UTP20: variants seen among roughly 807,000 people sequenced by gnomAD.
UTP20 encodes the protein small subunit processome component 20 homolog.
A neutral mutation model predicts 329.5 loss-of-function variants in UTP20; 164 were observed. The ratio of observed to expected loss-of-function variants is 0.50; its 90% confidence interval spans 0.44 to 0.57. The LOEUF is 0.57. Among genes scored for constraint, UTP20 ranks in the 20% least tolerant of loss-of-function variants. The pLI, the probability that UTP20 is intolerant of heterozygous loss-of-function variation, is 0.00. For missense variants in UTP20, 3,055 were observed against 3,284.2 expected (o/e 0.93, Z 1.71); for synonymous variants, 1,151 against 1,159.3 (o/e 0.99, Z 0.14).
intron 22 of UTP20, 42 bp from the exon 23 acceptor site, chr12:101,319,503 A>G (rs748564416): frequency 2.0e-6 from 3 of 1,482,506 alleles, no homozygotes; most frequent in Admixed American, 4.2e-5. Context: ...AATGATCTCA[A>G]TTCTTTAATT....
intron 8 of UTP20, 53 bp downstream of exon 8, chr12:101,290,941 T>A: frequency 6.4e-7 from 1 of 1,561,612 alleles, no homozygotes; most frequent in Non-Finnish European, 8.7e-7. Flanking sequence ...AAGAATTTAC[T>A]GTTTCTGCTC....
At chr12:101,300,552 C>T (rs1376674875) in intron 14 of UTP20, among the ~76,000 whole-genome samples, 2 of 152,140 alleles carry the variant, frequency 1.3e-5, no homozygotes, top group Admixed American at 6.5e-5. Context: ...AGGCACAACA[C>T]CTCTAGGAAG....
In UTP20 at chr12:101,317,557, G is replaced by C. The variant is rs1428976672; in HGVS notation, c.2632G>C (p.Glu878Gln). Reference sequence around the variant, plus strand: ...AAAAGGCAAAGGGATGGTGGCAGAGGAAATCGAAGAGGAACCTGCCGCAGG... The same window carrying C: ...AAAAGGCAAAGGGATGGTGGCAGAGCAAATCGAAGAGGAACCTGCCGCAGG... ...RRKGKGMVAE[E>Q]IEEEPAAGDD... The change falls in exon 22 of 62, where the codon GAA becomes CAA. Residue 878 changes from glutamate (E) to glutamine (Q), a missense_variant. Coordinates refer to ENST00000261637, the MANE Select transcript of UTP20 (RefSeq NM_014503.3). 1 of 1,614,064 alleles carries C rather than the reference G, an allele frequency of 6.2e-7. No individual in the cohort carries two copies. Among genetic ancestry groups the C allele is most frequent in the African/African-American group, 1.3e-5 (1 of 74,938 alleles).
intron 57 of UTP20, among the ~76,000 whole-genome samples, chr12:101,380,437 C>G (rs566856156): frequency 6.6e-6 from 1 of 152,208 alleles, no homozygotes; most frequent in East Asian, 1.9e-4. Context: ...ATATATGTGT[C>G]TCTGGTTTCC....
At chr12:101,291,692 C>A in intron 8 of UTP20, 50 bp from the exon 9 acceptor site, 1 of 1,492,204 alleles carries the variant, frequency 6.7e-7, no homozygotes. Flanking sequence ...GTTGGATTAA[C>A]AGTTGAGTTT....
intron 5 of UTP20, among the ~76,000 whole-genome samples, chr12:101,287,996 G>A (rs1209287772): frequency 6.6e-6 from 1 of 152,218 alleles, no homozygotes; most frequent in Non-Finnish European, 1.5e-5. Flanking sequence ...GTGGACCGCT[G>A]TAAGGTCTTC....
chr12:101,370,299 T>C, intron 49 of UTP20, 133 bp from the exon 50 acceptor site: 2 of 1,110,682 alleles, frequency 1.8e-6, no homozygotes, highest in Non-Finnish European at 2.5e-6. Context: ...TTTTCCAGAG[T>C]AATTTGCCAA....
Position 101,365,620 on chromosome 12 carries a change from A to C in UTP20, c.6120A>C (p.Lys2040Asn), listed in dbSNP as rs1458176673. ...ISENLPLLTE[K>N]EKNPVAPAPD... is the part of the protein sequence containing the mutation. ...AAAATCTTCCCCTGTTAACAGAGAA[A>C]GAAAAGTAAGTTGGAAAAAAAACAA... Residue 2040 changes from lysine (K) to asparagine (N), a missense_variant, in exon 46 of 62, where the codon AAA becomes AAC. Coordinates refer to ENST00000261637, the MANE Select transcript of UTP20 (RefSeq NM_014503.3). 6.4e-7 allele frequency: 1 copy of C among 1,560,612 alleles called. No homozygotes were observed. The highest frequency in any genetic ancestry group is 8.6e-7 in the Non-Finnish European group (1 of 1,159,186).
intron 8 of UTP20, 118 bp from the exon 9 acceptor site, chr12:101,291,624 A>G (rs1404858700): frequency 3.9e-6 from 4 of 1,038,486 alleles, no homozygotes; most frequent in Non-Finnish European, 3.9e-6. Flanking sequence ...TGGTAAATGT[A>G]TCTTTTTCTT....
chr12:101,362,420 T>C (rs1480632829), intron 44 of UTP20, among the ~76,000 whole-genome samples: 1 of 152,186 alleles, frequency 6.6e-6, no homozygotes, highest in African/African-American at 2.4e-5. Context: ...CTTTTAAAAT[T>C]GGGCCAGGCA....
chr12:101,371,906 A>G (rs1870307801), intron 51 of UTP20, among the ~76,000 whole-genome samples: 1 of 152,140 alleles, frequency 6.6e-6, no homozygotes, highest in African/African-American at 2.4e-5. Flanking sequence ...GTTTATATCT[A>G]TACATCTGTC....
At chr12:101,377,899 A>G (rs1470889009) in intron 56 of UTP20, among the ~76,000 whole-genome samples, 1 of 152,178 alleles carries the variant, frequency 6.6e-6, no homozygotes, top group Non-Finnish European at 1.5e-5. Context: ...AACTTTGTTG[A>G]TGGTTAAATG....
At chr12:101,334,291 T>G (rs1001212942) in intron 28 of UTP20, 134 bp from the exon 29 acceptor site, 23 of 677,236 alleles carry the variant, frequency 3.4e-5, no homozygotes, top group Non-Finnish European at 4.5e-5. Context: ...TTTCTTATTG[T>G]GTCATTTGGA....
In UTP20 at chr12:101,334,495, G is replaced by T; in HGVS notation, c.3632G>T (p.Arg1211Ile). Residue 1211 changes from arginine to isoleucine, a missense_variant, in exon 29 of 62, where the codon AGA becomes ATA. By Grantham distance (97) the Arg-to-Ile change is moderately conservative. This residue lies in a region of UTP20 where 2,445 missense variants were observed against 2,575.5 expected (regional missense o/e 0.95). Transcript: ENST00000261637. ...CTGAAACTGATCAGTATCTGGAGCA[G>T]AAACGCAAGGTATAACCTTTCTTTT... is the stretch of plus-strand genomic sequence containing the variant. ...PLLKLISIWS[R>I]NARYFPLLAK... The T allele has an allele frequency of 6.2e-7, 1 of 1,610,812 alleles. No homozygotes were observed.
chr12:101,343,554 A>C (rs1869220167), intron 35 of UTP20, among the ~76,000 whole-genome samples: 1 of 152,176 alleles, frequency 6.6e-6, no homozygotes, highest in South Asian at 2.1e-4. Context: ...TCTGTCACCC[A>C]GGCTAGAGTG....
Position 101,370,512 on chromosome 12 carries a change from G to C in UTP20, c.6636G>C (p.Glu2212Asp). The C allele has an allele frequency of 1.2e-6, 2 of 1,613,992 alleles. No homozygotes were observed. Among genetic ancestry groups the C allele is most frequent in the African/African-American group, 1.3e-5 (1 of 75,028 alleles). The change falls in exon 50 of 62, where the codon GAG (glutamate) becomes GAC (aspartate). Residue 2212 changes from glutamate to aspartate, a missense_variant. This residue lies in a region of UTP20 where 273 missense variants were observed against 363.1 expected (regional missense o/e 0.75). Transcript: ENST00000261637. The part of the protein sequence containing the change: ...KQLQVLLAYA[E>D]EDIYDTSRQA... Reference sequence around the variant, plus strand: ...TCCAAGTTCTACTGGCCTATGCTGAGGAGGACATTTATGATACTTCAAGAC... The same window carrying C: ...TCCAAGTTCTACTGGCCTATGCTGACGAGGACATTTATGATACTTCAAGAC...
chr12:101,333,263 C>T, intron 27 of UTP20, 38 bp from the exon 28 acceptor site: 11 of 1,597,186 alleles, frequency 6.9e-6, no homozygotes, highest in Non-Finnish European at 9.4e-6. Context: ...AAAAATGATA[C>T]ATATGTATTT....
intron 23 of UTP20, among the ~76,000 whole-genome samples, chr12:101,320,552 T>A (rs910947376): frequency 2.1e-4 from 31 of 146,094 alleles, no homozygotes; most frequent in Non-Finnish European, 4.5e-4. Flanking sequence ...CAAGACTCTG[T>A]TTGAAAAAAA....
Position 101,366,562 on chromosome 12 carries a change from C to A in UTP20, c.6130C>A (p.Pro2044Thr). Residue 2044 changes from proline to threonine, a missense_variant, in exon 47 of 62, where the codon CCA (proline) becomes ACA (threonine). This residue lies in a region of UTP20 where 2,445 missense variants were observed against 2,575.5 expected (regional missense o/e 0.95). Coordinates refer to ENST00000261637, the MANE Select transcript of UTP20 (RefSeq NM_014503.3). Reference sequence around the variant, plus strand: ...CTCATGCCACGTGATTGACAGAAATCCAGTAGCCCCAGCACCAGATCCACG... The same window carrying A: ...CTCATGCCACGTGATTGACAGAAATACAGTAGCCCCAGCACCAGATCCACG... Reference protein sequence around the residue: ...LPLLTEKEKNPVAPAPDPRLP... With the variant: ...LPLLTEKEKNTVAPAPDPRLP... The A allele has an allele frequency of 6.2e-7, 1 of 1,610,776 alleles. No homozygotes were observed. The highest frequency in any genetic ancestry group is 8.5e-7 in the Non-Finnish European group (1 of 1,178,800).
Sources: gnomAD v4.1 joint callset for allele counts (sites outside exome capture counted in the v4.1 genomes callset) on GRCh38, gnomAD v4.1.1 for gene constraint, gnomAD v4.1.1 regional missense constraint, MANE v1.5 for transcripts, NCBI Gene and HGNC (gene_info 2026-07-23, HGNC 2026-07-21) for gene names.